Variants in MSRA observed in about 807,000 individuals in gnomAD.
The protein encoded by MSRA is methionine sulfoxide reductase A, also known as mitochondrial peptide methionine sulfoxide reductase.
Under a neutral mutation model 31.3 loss-of-function variants are expected in MSRA, and 54 were observed. The ratio of observed to expected loss-of-function variants is 1.73; its 90% CI spans 1.39 to 2.17. The LOEUF is 2.17. Among genes scored for constraint, MSRA ranks in the 30% most tolerant of loss-of-function variants. MSRA has a pLI of 0.00. For missense variants in MSRA, 507 were observed against 300.9 expected, an observed-to-expected ratio of 1.69 and a Z score of -5.07; for synonymous variants, 169 against 116.5, an observed-to-expected ratio of 1.45 and a Z score of -2.90.
intron 1 of MSRA, among the ~76,000 whole-genome samples, chr8:10,206,321 C>T (rs1808972153): frequency 6.6e-6 from 1 of 152,192 alleles, no homozygotes; most frequent in South Asian, 2.1e-4. Flanking sequence ...CTAATTGTGC[C>T]AGTTAGTGGC....
intron 5 of MSRA, among the ~76,000 whole-genome samples, chr8:10,382,757 C>G (rs1585637942): frequency 6.6e-6 from 1 of 152,188 alleles, no homozygotes; most frequent in African/African-American, 2.4e-5. Flanking sequence ...GACTCTTCTC[C>G]TTAGTCATGG....
At chr8:10,284,992 A>G (rs1253849175) in intron 3 of MSRA, among the ~76,000 whole-genome samples, 1 of 149,480 alleles carries the variant, frequency 6.7e-6, no homozygotes, top group Non-Finnish European at 1.5e-5. Flanking sequence ...ATTTATCTAG[A>G]TTTTCATGAC....
chr8:10,219,650 C>G (rs913873943), intron 2 of MSRA, among the ~76,000 whole-genome samples: 2 of 151,486 alleles, frequency 1.3e-5, no homozygotes, highest in Non-Finnish European at 2.9e-5. Context: ...ACTAAAAATA[C>G]AAAAAATTAG....
chr8:10,415,966 A>G (rs919774175), intron 5 of MSRA, among the ~76,000 whole-genome samples: 1 of 151,998 alleles, frequency 6.6e-6, no homozygotes, highest in African/African-American at 2.4e-5. Context: ...CGTGGTGGAT[A>G]TTCACAGTCC....
At chr8:10,412,086 T>G (rs1056098882) in intron 5 of MSRA, among the ~76,000 whole-genome samples, 2 of 152,258 alleles carry the variant, frequency 1.3e-5, no homozygotes, top group Admixed American at 6.5e-5. Flanking sequence ...TATGATACTT[T>G]AGGCAAGGGC....
rs572591443 is a variant in MSRA at position 10,343,020 on chromosome 8, TACACACACAC to T, written c.543+23055_543+23064del. Reference sequence around the variant, plus strand: ...AGGAACTGGCATCTTGCATAAGCATTACACACACACACACACACACACACACACACACAGA... The same window carrying T: ...AGGAACTGGCATCTTGCATAAGCATTACACACACACACACACACACACAGA... On this transcript the variant is annotated intron_variant, in intron 5 of 5. Coordinates refer to ENST00000317173, the MANE Select transcript of MSRA (RefSeq NM_012331.5). Among the ~76,000 whole-genome samples the T allele has an allele frequency of 5.7e-3, 755 of 132,726 alleles. 1 individual carries two copies. The highest frequency in any genetic ancestry group is 8.4e-3 in the Non-Finnish European group (528 of 63,182). The allele number at this position is 132,726 out of a possible 152,430, so 87.1% of individuals were successfully genotyped here. A position where few individuals can be genotyped will look rare whatever the true frequency, so the allele number is the denominator to read the frequency against.
intron 5 of MSRA, among the ~76,000 whole-genome samples, chr8:10,366,488 G>A (rs112764054): frequency 0.013 from 1,959 of 152,294 alleles, 45 homozygotes; most frequent in African/African-American, 0.045. Context: ...CAGACATTCC[G>A]GAGTCAAGGC....
intron 3 of MSRA, among the ~76,000 whole-genome samples, chr8:10,299,952 C>T (rs1324004577): frequency 6.6e-6 from 1 of 152,208 alleles, no homozygotes; most frequent in Non-Finnish European, 1.5e-5. Context: ...ATATTTCAGT[C>T]TAATTGCCCA....
chr8:10,060,380 C>A (rs1267485509), intron 1 of MSRA, among the ~76,000 whole-genome samples: 3 of 152,166 alleles, frequency 2.0e-5, no homozygotes, highest in Non-Finnish European at 4.4e-5. Flanking sequence ...ATACAGTATG[C>A]TAACTTTTCT....
At chr8:10,298,531 G>T (rs1800666360) in intron 3 of MSRA, among the ~76,000 whole-genome samples, 1 of 152,146 alleles carries the variant, frequency 6.6e-6, no homozygotes, top group African/African-American at 2.4e-5. Flanking sequence ...GATGAAAAGA[G>T]TTCTGGAGCC....
intron 1 of MSRA, among the ~76,000 whole-genome samples, chr8:10,172,074 G>A (rs1249272729): frequency 1.3e-5 from 2 of 152,300 alleles, no homozygotes; most frequent in South Asian, 4.1e-4. Flanking sequence ...TTTCCATGGG[G>A]ACTAGGAGGA....
At chr8:10,271,764 G>T (rs1304212385) in intron 3 of MSRA, among the ~76,000 whole-genome samples, 1 of 149,468 alleles carries the variant, frequency 6.7e-6, no homozygotes, top group Middle Eastern at 3.2e-3. Flanking sequence ...TGTCGCCCAG[G>T]CTGGAGTACA....
intron 1 of MSRA, among the ~76,000 whole-genome samples, chr8:10,149,994 C>A (rs1439543902): frequency 9.3e-6 from 1 of 107,314 alleles, no homozygotes; most frequent in Non-Finnish European, 2.0e-5. Context: ...AGTTAAACCA[C>A]CAAGGGAGGC....
chr8:10,414,074 A>G (rs1808316536), intron 5 of MSRA, among the ~76,000 whole-genome samples: 1 of 152,092 alleles, frequency 6.6e-6, no homozygotes, highest in South Asian at 2.1e-4. Flanking sequence ...GGTTGAGACA[A>G]GAGGATCGCT....
At chr8:10,350,409 C>T (rs1337862683) in intron 5 of MSRA, among the ~76,000 whole-genome samples, 1 of 152,220 alleles carries the variant, frequency 6.6e-6, no homozygotes, top group African/African-American at 2.4e-5. Flanking sequence ...TGCCTTCGCT[C>T]ATTGACGGTT....
intron 2 of MSRA, among the ~76,000 whole-genome samples, chr8:10,221,085 C>T (rs1432313113): frequency 6.6e-6 from 1 of 152,170 alleles, no homozygotes; most frequent in Non-Finnish European, 1.5e-5. Flanking sequence ...TGGGGAAAGC[C>T]CAATAGCATG....
chr8:10,381,034 G>T (rs1806038245), intron 5 of MSRA, among the ~76,000 whole-genome samples: 1 of 152,060 alleles, frequency 6.6e-6, no homozygotes, highest in South Asian at 2.1e-4. Context: ...ATGGATGGAT[G>T]GATAAATGAT....
intron 5 of MSRA, among the ~76,000 whole-genome samples, chr8:10,382,289 G>A (rs1037585886): frequency 1.3e-5 from 2 of 152,178 alleles, no homozygotes; most frequent in South Asian, 2.1e-4. Context: ...AGATGGCCCT[G>A]CCCTCAGATA....
chr8:10,280,924 C>G (rs1401638122), intron 3 of MSRA, among the ~76,000 whole-genome samples: 2 of 152,198 alleles, frequency 1.3e-5, no homozygotes, highest in Non-Finnish European at 2.9e-5. Flanking sequence ...GTGTATGATT[C>G]TATTTATTTG....
Sources: gnomAD v4.1 joint callset for allele counts (sites outside exome capture counted in the v4.1 genomes callset) on GRCh38, gnomAD v4.1.1 for gene constraint, MANE v1.5 for transcripts, NCBI Gene and HGNC (gene_info 2026-07-23, HGNC 2026-07-21) for gene names.